Variants in ARHGEF3 observed in about 807,000 individuals in gnomAD.
ARHGEF3 encodes the protein 59.8 kDA protein.
A neutral mutation model predicts 63.2 loss-of-function variants in ARHGEF3; 28 were observed. The observed-to-expected ratio is 0.44, with a 90% CI of 0.33 to 0.61. The LOEUF (loss-of-function observed/expected upper bound fraction) is 0.61, where lower values mean the gene tolerates loss of function less well. Ranked by LOEUF, ARHGEF3 falls within the 20% of genes least tolerant of loss-of-function variation. The pLI is 0.03. For missense variants in ARHGEF3, 533 were observed against 659.3 expected, an observed-to-expected ratio of 0.81 and a Z score of 2.10; for synonymous variants, 266 against 254.2, an observed-to-expected ratio of 1.05 and a Z score of -0.44.
chr3:57,013,834 C>A (rs569454369), intron 2 of ARHGEF3, among the ~76,000 whole-genome samples: 2 of 152,308 alleles, frequency 1.3e-5, no homozygotes, highest in East Asian at 3.9e-4. Context: ...GTAAAATGGA[C>A]CAATCAGCTC....
chr3:57,015,364 T>C (rs969221457), intron 2 of ARHGEF3, among the ~76,000 whole-genome samples: 16 of 152,176 alleles, frequency 1.1e-4, no homozygotes, highest in African/African-American at 3.9e-4. Context: ...AACTGAAGCT[T>C]AGGGGCCCCT....
At chr3:56,987,441 G>A (rs568325907) in intron 2 of ARHGEF3, among the ~76,000 whole-genome samples, 1 of 152,306 alleles carries the variant, frequency 6.6e-6, no homozygotes, top group South Asian at 2.1e-4. Context: ...GGCTGAGCAG[G>A]AGTAGGAGGG....
intron 2 of ARHGEF3, among the ~76,000 whole-genome samples, chr3:56,972,549 G>A (rs1700959319): frequency 1.3e-5 from 2 of 152,068 alleles, no homozygotes; most frequent in African/African-American, 4.8e-5. Flanking sequence ...ATCGGGGGTG[G>A]TGGGAGTAGC....
chr3:57,017,032 T>TCTCTCACA lies in ARHGEF3; in HGVS notation c.62+18055_62+18056insTGTGAGAG, dbSNP rs1221332567. On this transcript the variant is annotated intron_variant, in intron 2 of 12. Coordinates refer to the ARHGEF3 transcript ENST00000338458. ...CTCTCTCTCTCTCTCTCTCTCTCTC[T>TCTCTCACA]CACACACACACACACACACACACAC... Among the ~76,000 whole-genome samples, 430 of 104,376 alleles carry TCTCTCACA rather than the reference T, an allele frequency of 4.1e-3. 4 individuals are homozygous for TCTCTCACA. The highest frequency in any genetic ancestry group is 0.022 in the East Asian group (79 of 3,616). 68.5% of individuals were successfully genotyped at this position (104,376 alleles called of 152,430 possible). A position where few individuals can be genotyped will look rare whatever the true frequency, so the allele number is the denominator to read the frequency against.
At chr3:56,816,083 T>C (rs2038259944) in intron 4 of ARHGEF3, among the ~76,000 whole-genome samples, 1 of 152,100 alleles carries the variant, frequency 6.6e-6, no homozygotes, top group Admixed American at 6.5e-5. Context: ...GGCATGATGG[T>C]GCATTCCTAT....
intron 4 of ARHGEF3, among the ~76,000 whole-genome samples, chr3:56,816,944 G>C (rs1269967355): frequency 6.6e-6 from 1 of 152,180 alleles, no homozygotes; most frequent in Non-Finnish European, 1.5e-5. Context: ...GTGCTGACTT[G>C]GGTCCAGTCC....
Position 56,951,083 on chromosome 3 carries a change from A to G in ARHGEF3, c.129+7740T>C, listed in dbSNP as rs547410044. Among the ~76,000 whole-genome samples the G allele has an allele frequency of 9.9e-5, 15 of 151,990 alleles. No homozygotes were observed. The South Asian group carries it at 2.3e-3, about 23-fold the overall frequency. On this transcript the variant is annotated intron_variant, in intron 3 of 12. Transcript: ENST00000338458. ...TCATAGGTGGGAATTGAACAATGAGAACACATGGACACAGGAAGGGGAACA... is the reference window on the plus strand; with the variant it reads ...TCATAGGTGGGAATTGAACAATGAGGACACATGGACACAGGAAGGGGAACA...
chr3:56,856,938 T>C (rs2039907630), intron 4 of ARHGEF3, among the ~76,000 whole-genome samples: 1 of 152,104 alleles, frequency 6.6e-6, no homozygotes, highest in Non-Finnish European at 1.5e-5. Flanking sequence ...TGGCACACAC[T>C]CTCCATTTAA....
At position 57,015,270 on chromosome 3, in the gene ARHGEF3, C is replaced by T. The variant is rs72872170; in HGVS notation, c.62+19818G>A. 1.0e-2 allele frequency among the ~76,000 whole-genome samples: 1,520 copies of T among 152,212 alleles called. 14 individuals are homozygous for T. Among genetic ancestry groups the T allele is most frequent in the African/African-American group, 0.033 (1,389 of 41,518 alleles). On this transcript the variant is annotated intron_variant, in intron 2 of 12. Coordinates refer to the ARHGEF3 transcript ENST00000338458. The stretch of plus-strand genomic sequence containing the variant: ...ATCTGACCTAGAGATAAACTTCTTA[C>T]TCTCCTACCTCTAAACCTTCCCTCA...
intron 2 of ARHGEF3, among the ~76,000 whole-genome samples, chr3:57,021,804 C>CA (rs919651038): frequency 2.0e-5 from 3 of 148,904 alleles, no homozygotes; most frequent in East Asian, 3.9e-4. Flanking sequence ...AATTAGAAGA[C>CA]AAAAAAAGTC....
At position 57,052,742 on chromosome 3, in the gene ARHGEF3, G is replaced by A. The variant is rs1435297816; in HGVS notation, c.-27-17566C>T. Among the ~76,000 whole-genome samples the A allele has an allele frequency of 3.9e-5, 6 of 152,072 alleles. No homozygotes were observed. In the East Asian group the frequency reaches 7.7e-4, roughly 20 times the overall value. ...ATTTAGATCTACAGCCAGAGCACTC[G>A]GGCTGTCCCAAGGCAGCCAGCACAC... On this transcript the variant is annotated intron_variant, in intron 1 of 12. Transcript: ENST00000338458.
At chr3:57,006,744 C>G (rs548376727) in intron 2 of ARHGEF3, among the ~76,000 whole-genome samples, 8 of 152,088 alleles carry the variant, frequency 5.3e-5, no homozygotes, top group African/African-American at 1.9e-4. Context: ...CTCTCGACAC[C>G]CCCCCAAACA....
chr3:57,053,133 G>A (rs1704746464), intron 1 of ARHGEF3, among the ~76,000 whole-genome samples: 1 of 152,168 alleles, frequency 6.6e-6, no homozygotes, highest in Admixed American at 6.5e-5. Flanking sequence ...TGCAAATTCT[G>A]GAAGCACCAG....
At chr3:57,047,426 T>C (rs1041533719) in intron 1 of ARHGEF3, among the ~76,000 whole-genome samples, 6 of 151,854 alleles carry the variant, frequency 4.0e-5, no homozygotes, top group Non-Finnish European at 7.4e-5. Context: ...AGTGAAACTA[T>C]TGGGACTTAA....
intron 1 of ARHGEF3, among the ~76,000 whole-genome samples, chr3:57,054,859 C>T (rs1398521028): frequency 6.6e-6 from 1 of 151,494 alleles, no homozygotes; most frequent in Non-Finnish European, 1.5e-5. Flanking sequence ...CCATGTTGGC[C>T]AGTATGATCT....
intron 2 of ARHGEF3, among the ~76,000 whole-genome samples, chr3:56,973,174 G>A (rs536865596): frequency 2.6e-5 from 4 of 152,102 alleles, no homozygotes; most frequent in Admixed American, 6.5e-5. Flanking sequence ...CCGCCACCAC[G>A]CCCGGCTAAT....
At chr3:56,880,611 T>G (rs1474043480) in intron 4 of ARHGEF3, among the ~76,000 whole-genome samples, 4 of 152,230 alleles carry the variant, frequency 2.6e-5, no homozygotes, top group Admixed American at 2.6e-4. Context: ...CTCCAGGGCT[T>G]CCACTTCTTT....
chr3:56,928,059 C>T (rs946293228), intron 3 of ARHGEF3, among the ~76,000 whole-genome samples: 3 of 152,172 alleles, frequency 2.0e-5, no homozygotes, highest in African/African-American at 7.2e-5. Context: ...TCTGCAGACA[C>T]ATGCAGCATG....
chr3:56,863,989 T>G (rs1464665440), intron 4 of ARHGEF3, among the ~76,000 whole-genome samples: 1 of 152,164 alleles, frequency 6.6e-6, no homozygotes, highest in Non-Finnish European at 1.5e-5. Context: ...GACCAGGCAG[T>G]AAAGATACAT....
Sources: allele counts gnomAD v4.1 joint callset (sites outside exome capture counted in the v4.1 genomes callset), GRCh38; gene constraint gnomAD v4.1.1; transcripts MANE v1.5; gene names NCBI Gene and HGNC (gene_info 2026-07-23, HGNC 2026-07-21).